WWP1: variants seen among roughly 807,000 people sequenced by gnomAD.
WWP1 encodes the protein NEDD4-like E3 ubiquitin-protein ligase WWP1.
In WWP1, 49 loss-of-function variants were observed where a neutral mutation model predicts 130.6. The observed-to-expected ratio is 0.38, with a 90% confidence interval of 0.30 to 0.48. The LOEUF (loss-of-function observed/expected upper bound fraction) is 0.48. Ranked by LOEUF, WWP1 falls within the 20% of genes least tolerant of loss-of-function variation. The pLI is 0.99. For missense variants in WWP1, 809 were observed against 1,100.6 expected (o/e 0.74, Z 3.75); for synonymous variants, 332 against 367.8 (o/e 0.90, Z 1.11).
intron 1 of WWP1, among the ~76,000 whole-genome samples, chr8:86,364,854 A>AGAGG (rs1321440941): frequency 6.6e-6 from 1 of 152,032 alleles, no homozygotes; most frequent in East Asian, 1.9e-4. Context: ...AGAGAGAGAG[A>AGAGG]GAGAAAGAAG....
At chr8:86,457,550 C>T (rs767301057) in intron 21 of WWP1, among the ~76,000 whole-genome samples, 2 of 150,944 alleles carry the variant, frequency 1.3e-5, no homozygotes, top group Non-Finnish European at 3.0e-5. Flanking sequence ...AATAGATACA[C>T]ACACACATTT....
chr8:86,463,627 T>C (rs1388115730), intron 24 of WWP1, among the ~76,000 whole-genome samples: 1 of 147,656 alleles, frequency 6.8e-6, no homozygotes, highest in Admixed American at 6.7e-5. Context: ...TTTTAGCAAA[T>C]GTGATTTTTT....
At position 86,411,747 on chromosome 8, in the gene WWP1, G is replaced by C. The variant is rs778739340; in HGVS notation, c.934G>C (p.Glu312Gln). ...ELESEARSILEPDTSNSRSSS... is the reference protein window; with the variant it reads ...ELESEARSILQPDTSNSRSSS... Reference sequence around the variant, plus strand: ...GGAATCTGAAGCTAGAAGTATATTAGAGCCTGACACCTCTAATTCTAGAAG... The same window carrying C: ...GGAATCTGAAGCTAGAAGTATATTACAGCCTGACACCTCTAATTCTAGAAG... Residue 312 changes from glutamate (E) to glutamine (Q), a missense_variant, in exon 9 of 25, where the codon GAG becomes CAG. Glu to Gln is a conservative substitution (Grantham distance 29). This residue lies in a region of WWP1 where 97 missense variants were observed against 80.4 expected (regional missense o/e 1.21). Transcript: ENST00000517970. 6.2e-7 allele frequency: 1 copy of C among 1,614,132 alleles called. No homozygotes were observed. Among genetic ancestry groups the C allele is most frequent in the Non-Finnish European group, 8.5e-7 (1 of 1,180,026 alleles).
intron 5 of WWP1, among the ~76,000 whole-genome samples, chr8:86,386,490 G>A (rs191630774): frequency 1.4e-5 from 2 of 147,102 alleles, no homozygotes; most frequent in Admixed American, 1.3e-4. Context: ...GTGTTTGGGT[G>A]GGGGGGCGGG....
chr8:86,374,016 C>T lies in WWP1; in HGVS notation c.-21-14C>T, dbSNP rs748323373. On this transcript the variant is annotated splice_polypyrimidine_tract_variant and intron_variant, in intron 2 of 24. Transcript: ENST00000517970. Reference sequence around the variant, plus strand: ...TTATCTAACACATGAATAAATTCCCCTTTTTTAAAATAGGTTTTAGCTGAA... The same window carrying T: ...TTATCTAACACATGAATAAATTCCCTTTTTTTAAAATAGGTTTTAGCTGAA... The T allele has an allele frequency of 6.3e-7, 1 of 1,575,616 alleles. No individual in the cohort carries two copies.
At chr8:86,343,960 A>ATT (rs886251122) in intron 1 of WWP1, among the ~76,000 whole-genome samples, 1 of 143,992 alleles carries the variant, frequency 6.9e-6, no homozygotes, top group African/African-American at 2.5e-5. Context: ...AGTTACCTGC[A>ATT]TTTTTTTTTT....
chr8:86,391,996 G>A (rs1039762758), intron 5 of WWP1, among the ~76,000 whole-genome samples: 1 of 152,184 alleles, frequency 6.6e-6, no homozygotes, highest in Middle Eastern at 3.2e-3. Context: ...CTATCATCAG[G>A]TGTTGGTTAC....
At chr8:86,459,756 C>T (rs748896247) in intron 22 of WWP1, among the ~76,000 whole-genome samples, 1 of 152,146 alleles carries the variant, frequency 6.6e-6, no homozygotes, top group South Asian at 2.1e-4. Flanking sequence ...TCATTACAGT[C>T]GGTGTTCCAT....
chr8:86,421,360 G>T (rs1383941686), intron 9 of WWP1, among the ~76,000 whole-genome samples: 1 of 152,066 alleles, frequency 6.6e-6, no homozygotes, highest in Non-Finnish European at 1.5e-5. Flanking sequence ...TAAATTTTTT[G>T]TGTGCATTTG....
chr8:86,346,157 A>G (rs1238688112), intron 1 of WWP1, among the ~76,000 whole-genome samples: 3 of 152,170 alleles, frequency 2.0e-5, no homozygotes, highest in Non-Finnish European at 4.4e-5. Flanking sequence ...TGTGCATGAG[A>G]GCTGGTGAGT....
chr8:86,467,094 C>G lies in WWP1; in HGVS notation c.*201C>G. 2.3e-6 allele frequency: 1 copy of G among 443,156 alleles called. No homozygotes were observed. The allele number at this position is 443,156 out of a possible 1,614,324, so 27.5% of individuals were successfully genotyped here. A position where few individuals can be genotyped will look rare whatever the true frequency, so the allele number is the denominator to read the frequency against. On this transcript the variant is annotated 3_prime_UTR_variant, in exon 25 of 25. Transcript: ENST00000517970. ...TTATTGTTCCCTTGAAATGACTGAC[C>G]AGGAAAAAGATCATCCTTAAATTTT... is the stretch of plus-strand genomic sequence containing the variant.
chr8:86,392,855 T>C (rs1014655202), intron 5 of WWP1, among the ~76,000 whole-genome samples: 2 of 152,216 alleles, frequency 1.3e-5, no homozygotes, highest in Non-Finnish European at 2.9e-5. Context: ...TTCGAAAATT[T>C]TTTTGTATTG....
chr8:86,454,039 C>G (rs565817465), intron 21 of WWP1, among the ~76,000 whole-genome samples: 2 of 152,008 alleles, frequency 1.3e-5, no homozygotes, highest in Non-Finnish European at 2.9e-5. Flanking sequence ...ATTTAGCCTT[C>G]TGGCAAGTCT....
intron 8 of WWP1, 102 bp from the exon 9 acceptor site, chr8:86,411,436 G>T (rs1325029565): frequency 3.2e-6 from 3 of 924,814 alleles, no homozygotes; most frequent in South Asian, 3.8e-5. Flanking sequence ...GATTGTAGTT[G>T]CTTAGTCTGG....
chr8:86,425,363 C>A, intron 10 of WWP1, 45 bp downstream of exon 10: 1 of 1,478,182 alleles, frequency 6.8e-7, no homozygotes, highest in South Asian at 1.2e-5. Context: ...TTTTATCACA[C>A]ATGTGGTTTT....
intron 21 of WWP1, 50 bp downstream of exon 21, chr8:86,452,729 A>G: frequency 6.3e-7 from 1 of 1,596,800 alleles, no homozygotes. Context: ...GGGGGGAGGG[A>G]CTAATTTAGT....
At chr8:86,464,914 C>T (rs1408031358) in intron 24 of WWP1, among the ~76,000 whole-genome samples, 1 of 137,322 alleles carries the variant, frequency 7.3e-6, no homozygotes, top group East Asian at 2.8e-4. Context: ...TACACACATG[C>T]GCGCGCGTGT....
chr8:86,439,234 T>C (rs1368603061), intron 17 of WWP1, among the ~76,000 whole-genome samples: 1 of 151,486 alleles, frequency 6.6e-6, no homozygotes, highest in East Asian at 1.9e-4. Flanking sequence ...TTCCAGCTAC[T>C]CGGGAGGGTA....
intron 14 of WWP1, among the ~76,000 whole-genome samples, chr8:86,434,055 C>A (rs1244616175): frequency 2.0e-5 from 3 of 152,168 alleles, no homozygotes; most frequent in African/African-American, 7.2e-5. Flanking sequence ...CCCATTGCCA[C>A]CATTTTGGTC....
Sources: gnomAD v4.1 joint callset for allele counts (sites outside exome capture counted in the v4.1 genomes callset) on GRCh38, gnomAD v4.1.1 for gene constraint, gnomAD v4.1.1 regional missense constraint, MANE v1.5 for transcripts, NCBI Gene and HGNC (gene_info 2026-07-23, HGNC 2026-07-21) for gene names.